Variants in DMD observed in about 807,000 individuals in gnomAD.
DMD encodes mutant dystrophin.
Under a neutral mutation model 330.1 loss-of-function variants are expected in DMD, and 63 were observed. That is an observed-to-expected ratio of 0.19 (90% CI 0.16 to 0.24). The LOEUF is 0.24. Ranked by LOEUF, DMD falls within the 10% of genes least tolerant of loss-of-function variation. DMD has a pLI of 1.00. For synonymous variants in DMD, 1,223 were observed against 959.8 expected (o/e 1.27, Z -5.07); for missense variants, 3,344 against 2,684.1 (o/e 1.25, Z -5.43).
At chrX:32,817,183 A>G (rs2077829389) in intron 5 of DMD, among the ~76,000 whole-genome samples, 1 of 111,651 alleles carries the variant, frequency 9.0e-6, no homozygotes, top group African/African-American at 3.3e-5. Flanking sequence ...ATGGTCAGAT[A>G]AAACCCCTGA....
At chrX:32,788,993 T>G (rs928724752) in intron 7 of DMD, among the ~76,000 whole-genome samples, 3 of 111,404 alleles carry the variant, frequency 2.7e-5, no homozygotes, top group Non-Finnish European at 3.8e-5. Flanking sequence ...AGAAATAAAT[T>G]AAAGAACAAA....
At chrX:32,503,597 C>T (rs1240853397) in intron 18 of DMD, among the ~76,000 whole-genome samples, 1 of 111,109 alleles carries the variant, frequency 9.0e-6, no homozygotes, top group Non-Finnish European at 1.9e-5. Context: ...ACTCTGTCGC[C>T]CAGGCTGGAG....
chrX:31,545,138 C>G (rs747905328), intron 55 of DMD, among the ~76,000 whole-genome samples: 1 of 111,771 alleles, frequency 8.9e-6, no homozygotes, highest in South Asian at 3.8e-4. Flanking sequence ...TATCGTTGTT[C>G]CATGGAATCA....
chrX:31,474,988 C>A (rs1236903112), intron 59 of DMD, among the ~76,000 whole-genome samples: 1 of 110,260 alleles, frequency 9.1e-6, no homozygotes, highest in Admixed American at 9.8e-5. Context: ...ATTTCCACTG[C>A]AAAATTAAAG....
At chrX:32,446,157 C>T (rs754733174) in intron 27 of DMD, among the ~76,000 whole-genome samples, 4 of 110,723 alleles carry the variant, frequency 3.6e-5, no homozygotes, top group African/African-American at 1.3e-4. Context: ...AAAGACAATG[C>T]AGAACCACTA....
intron 41 of DMD, among the ~76,000 whole-genome samples, chrX:32,318,843 T>C (rs753306653): frequency 1.8e-5 from 2 of 111,681 alleles, no homozygotes; most frequent in Middle Eastern, 4.6e-3. Flanking sequence ...GAAAAAGATA[T>C]GCAGATGATG....
intron 2 of DMD, among the ~76,000 whole-genome samples, chrX:32,941,125 G>A (rs1602089462): frequency 9.0e-6 from 1 of 111,144 alleles, no homozygotes; most frequent in African/African-American, 3.3e-5. Context: ...AGTCAGAAAG[G>A]CCATTATTAA....
intron 44 of DMD, among the ~76,000 whole-genome samples, chrX:32,002,265 C>A (rs2095632386): frequency 8.9e-6 from 1 of 111,842 alleles, no homozygotes; most frequent in South Asian, 3.7e-4. Context: ...AAAGGTATGT[C>A]TCTGCTTATC....
intron 11 of DMD, among the ~76,000 whole-genome samples, chrX:32,639,599 C>T (rs2059320613): frequency 8.9e-6 from 1 of 111,855 alleles, no homozygotes; most frequent in Non-Finnish European, 1.9e-5. Flanking sequence ...TTAGCTTTTA[C>T]CTCATCAGAA....
chrX:31,745,917 A>T (rs959133629), intron 51 of DMD, among the ~76,000 whole-genome samples: 8 of 111,779 alleles, frequency 7.2e-5, no homozygotes, highest in African/African-American at 2.6e-4. Flanking sequence ...ATATGTTATG[A>T]TGTCACATTT....
chrX:31,994,628 G>C (rs1020071069), intron 44 of DMD, among the ~76,000 whole-genome samples: 42 of 111,443 alleles, frequency 3.8e-4, no homozygotes, highest in African/African-American at 1.3e-3. Context: ...CCCGAGAAAT[G>C]GGACTCCCAG....
At chrX:33,151,244 C>T (rs1332351616) in intron 1 of DMD, among the ~76,000 whole-genome samples, 2 of 112,338 alleles carry the variant, frequency 1.8e-5, no homozygotes, top group African/African-American at 6.5e-5. Flanking sequence ...TATGACAGGT[C>T]TCTGGAACAA....
At chrX:32,516,495 C>A (rs748892182) in intron 18 of DMD, 11 of 111,543 alleles carry the variant, frequency 9.9e-5, no homozygotes, top group Non-Finnish European at 2.1e-4. Flanking sequence ...CACATGATAA[C>A]AGGAACTTTT....
intron 1 of DMD, among the ~76,000 whole-genome samples, chrX:33,164,091 T>C: frequency 9.0e-6 from 1 of 111,351 alleles, no homozygotes; most frequent in African/African-American, 3.3e-5. Flanking sequence ...CTCTTTGAAG[T>C]TGCAAATTGT....
intron 69 of DMD, among the ~76,000 whole-genome samples, chrX:31,179,793 G>A (rs1476523952): frequency 8.9e-6 from 1 of 111,795 alleles, no homozygotes; most frequent in Non-Finnish European, 1.9e-5. Flanking sequence ...ATAGAACCTT[G>A]AGTAAATTAT....
chrX:32,542,030 G>T lies in DMD; in HGVS notation c.2168+3129C>A, dbSNP rs187034710. 2.7e-4 allele frequency among the ~76,000 whole-genome samples: 30 copies of T among 111,618 alleles called. No homozygotes were observed. The East Asian group carries it at 7.7e-3, about 29-fold the overall frequency. ...ATGCACAAGCGGAAATAGCTTTAGA[G>T]ATATAAAGCTTTAATTTGAGGGAGA... On this transcript the variant is annotated intron_variant, in intron 17 of 78. Coordinates refer to ENST00000357033, the MANE Select transcript of DMD (RefSeq NM_004006.3).
At chrX:31,407,584 G>T (rs1394911357) in intron 60 of DMD, among the ~76,000 whole-genome samples, 2 of 106,566 alleles carry the variant, frequency 1.9e-5, no homozygotes, top group Non-Finnish European at 3.8e-5. Flanking sequence ...CCATTCTCCT[G>T]CCTCAGCCTC....
intron 2 of DMD, among the ~76,000 whole-genome samples, chrX:32,862,380 C>T (rs1488046887): frequency 8.9e-6 from 1 of 111,807 alleles, no homozygotes; most frequent in Non-Finnish European, 1.9e-5. Flanking sequence ...ACCACACCAT[C>T]GTTAATGGAA....
intron 30 of DMD, among the ~76,000 whole-genome samples, chrX:32,396,121 T>C (rs769603386): frequency 1.1e-4 from 12 of 111,099 alleles, no homozygotes; most frequent in African/African-American, 3.6e-4. Context: ...ACAGCTTACA[T>C]ATAACCAAAC....
Sources: allele counts gnomAD v4.1 joint callset (sites outside exome capture counted in the v4.1 genomes callset), GRCh38; gene constraint gnomAD v4.1.1; transcripts MANE v1.5; gene names NCBI Gene and HGNC (gene_info 2026-07-23, HGNC 2026-07-21).